DIS3L2: variants seen among roughly 807,000 people sequenced by gnomAD.
The protein encoded by DIS3L2 is DIS3 like 3'-5' exoribonuclease 2.
A neutral mutation model predicts 97.5 loss-of-function variants in DIS3L2; 34 were observed. The observed-to-expected ratio is 0.35, with a 90% CI of 0.27 to 0.46. The LOEUF is 0.46. Among genes scored for constraint, DIS3L2 ranks in the 20% least tolerant of loss-of-function variants. The probability of loss-of-function intolerance (pLI) is 1.00; values close to 1 mark genes in which losing one functional copy is unlikely to be tolerated. For synonymous variants in DIS3L2, 435 were observed against 445.2 expected (o/e 0.98, Z 0.29); for missense variants, 1,038 against 1,146.0 (o/e 0.91, Z 1.36).
chr2:232,138,181 A>G (rs933581795), intron 8 of DIS3L2, among the ~76,000 whole-genome samples: 2 of 152,008 alleles, frequency 1.3e-5, no homozygotes, highest in Non-Finnish European at 2.9e-5. Context: ...CCTTATAGGT[A>G]TTTTTTAATT....
chr2:232,324,779 C>A (rs944301888), intron 14 of DIS3L2, among the ~76,000 whole-genome samples: 2 of 152,138 alleles, frequency 1.3e-5, no homozygotes, highest in Non-Finnish European at 2.9e-5. Flanking sequence ...CTTATTTATT[C>A]GAGGCCAGGA....
intron 1 of DIS3L2, among the ~76,000 whole-genome samples, chr2:231,977,061 G>A (rs28488211): frequency 6.6e-6 from 1 of 152,072 alleles, no homozygotes; most frequent in Non-Finnish European, 1.5e-5. Context: ...CACCGCGCCC[G>A]GCCACACAAA....
intron 5 of DIS3L2, among the ~76,000 whole-genome samples, chr2:232,070,998 C>T (rs951407454): frequency 1.3e-5 from 2 of 152,162 alleles, no homozygotes; most frequent in Admixed American, 6.5e-5. Context: ...GGCCCTATAG[C>T]CTGACCCTTA....
At chr2:231,978,428 T>C (rs1188226386) in intron 1 of DIS3L2, 5 of 152,234 alleles carry the variant, frequency 3.3e-5, no homozygotes, top group Admixed American at 6.5e-5. Context: ...TGATTTGCTT[T>C]TTTCCCATAG....
At chr2:232,329,086 A>T (rs111715892) in intron 14 of DIS3L2, 7 of 152,314 alleles carry the variant, frequency 4.6e-5, no homozygotes, top group Admixed American at 2.0e-4. Context: ...CTAATGACAG[A>T]CACCCAAGTG....
At chr2:232,316,063 G>A (rs904869622) in intron 14 of DIS3L2, among the ~76,000 whole-genome samples, 1 of 152,084 alleles carries the variant, frequency 6.6e-6, no homozygotes, top group South Asian at 2.1e-4. Flanking sequence ...ACCTGGGGTC[G>A]GGGACCCCGC....
chr2:232,156,321 T>G (rs973876872), intron 8 of DIS3L2, among the ~76,000 whole-genome samples: 3 of 152,212 alleles, frequency 2.0e-5, no homozygotes, highest in Non-Finnish European at 4.4e-5. Flanking sequence ...TTTCATGACT[T>G]ACTTATTCCT....
chr2:232,184,589 G>A (rs1420661099), intron 9 of DIS3L2, among the ~76,000 whole-genome samples: 2 of 152,150 alleles, frequency 1.3e-5, no homozygotes, highest in African/African-American at 4.8e-5. Flanking sequence ...GGTTGAGGGT[G>A]CAGTGAGCTG....
chr2:232,035,510 T>A (rs950722310), intron 5 of DIS3L2, among the ~76,000 whole-genome samples: 4 of 152,202 alleles, frequency 2.6e-5, no homozygotes, highest in Non-Finnish European at 5.9e-5. Flanking sequence ...TTAAGTTTAA[T>A]ATTGTTTTGT....
At chr2:232,255,139 G>A (rs1479545247) in intron 12 of DIS3L2, among the ~76,000 whole-genome samples, 6 of 152,190 alleles carry the variant, frequency 3.9e-5, no homozygotes, top group South Asian at 2.1e-4. Context: ...AACAAAGTTC[G>A]GAACCAGATG....
In DIS3L2 at chr2:232,048,777, T is replaced by C. The variant is rs60421766; in HGVS notation, c.366+18697T>C. ...TATGCCCGAAATATGTTTGTTGCTG[T>C]TGTTGAAGGAGGTTGTTTATTATCA... On this transcript the variant is annotated intron_variant, in intron 5 of 20. Transcript: ENST00000325385. Among the ~76,000 whole-genome samples the C allele has an allele frequency of 4.7e-3, 715 of 152,072 alleles. 30 individuals are homozygous for C. In the East Asian group the frequency reaches 0.07, roughly 15 times the overall value.
intron 11 of DIS3L2, among the ~76,000 whole-genome samples, chr2:232,246,720 CTTG>C (rs2106261316): frequency 6.6e-6 from 1 of 152,282 alleles, no homozygotes; most frequent in South Asian, 2.1e-4. Flanking sequence ...GTCTTTAGAC[CTTG>C]TTGTATTTTT....
chr2:232,072,989 C>G (rs939467881), intron 5 of DIS3L2, among the ~76,000 whole-genome samples: 11 of 152,082 alleles, frequency 7.2e-5, no homozygotes, highest in Non-Finnish European at 1.2e-4. Flanking sequence ...ATTAGCTACC[C>G]TAAGCAAACG....
At chr2:232,024,570 A>G (rs1694607407) in intron 4 of DIS3L2, among the ~76,000 whole-genome samples, 1 of 152,220 alleles carries the variant, frequency 6.6e-6, no homozygotes, top group Non-Finnish European at 1.5e-5. Flanking sequence ...TGCAAAGAGC[A>G]GCTGGACCCA....
intron 6 of DIS3L2, among the ~76,000 whole-genome samples, chr2:232,118,639 C>T (rs984312751): frequency 1.3e-5 from 2 of 152,184 alleles, no homozygotes; most frequent in Non-Finnish European, 2.9e-5. Flanking sequence ...GCCAGTTGCT[C>T]TCATGTTTAA....
intron 13 of DIS3L2, among the ~76,000 whole-genome samples, chr2:232,266,777 A>G (rs1325897178): frequency 6.6e-6 from 1 of 152,186 alleles, no homozygotes. Flanking sequence ...GCCTCAGACC[A>G]CTATGTCCGT....
Position 232,300,107 on chromosome 2 carries a change from G to T in DIS3L2, c.1727G>T (p.Arg576Leu), listed in dbSNP as rs200386096. 1 of 1,613,584 alleles carries T rather than the reference G, an allele frequency of 6.2e-7. No individual in the cohort carries two copies. Among genetic ancestry groups the T allele is most frequent in the African/African-American group, 1.3e-5 (1 of 75,028 alleles). Reference protein sequence around the residue: ...LPQGCHIYEYRESNKLVEEFM... With the variant: ...LPQGCHIYEYLESNKLVEEFM... Reference sequence around the variant, plus strand: ...CAAGGATGTCATATCTATGAGTACCGCGAGAGCAACAAGTAAGCCACTCAG... The same window carrying T: ...CAAGGATGTCATATCTATGAGTACCTCGAGAGCAACAAGTAAGCCACTCAG... The change falls in exon 14 of 21, where the codon CGC becomes CTC. Residue 576 changes from arginine to leucine, a missense_variant. This residue lies in a region of DIS3L2 where 813 missense variants were observed against 880.1 expected (regional missense o/e 0.92). Transcript: ENST00000325385.
At chr2:232,048,426 T>C (rs1695304649) in intron 5 of DIS3L2, among the ~76,000 whole-genome samples, 1 of 152,128 alleles carries the variant, frequency 6.6e-6, no homozygotes, top group Non-Finnish European at 1.5e-5. Context: ...AAAAAAAATC[T>C]TGTGGGCACT....
At chr2:232,084,686 G>A (rs1696518444) in intron 5 of DIS3L2, among the ~76,000 whole-genome samples, 1 of 151,862 alleles carries the variant, frequency 6.6e-6, no homozygotes, top group Non-Finnish European at 1.5e-5. Flanking sequence ...ATGAATGTAT[G>A]AATCTGACAT....
Sources: gnomAD v4.1 joint callset for allele counts (sites outside exome capture counted in the v4.1 genomes callset) on GRCh38, gnomAD v4.1.1 for gene constraint, gnomAD v4.1.1 regional missense constraint, MANE v1.5 for transcripts, NCBI Gene and HGNC (gene_info 2026-07-23, HGNC 2026-07-21) for gene names.